The following KRT24 variants were observed in gnomAD, a reference collection of about 807,000 sequenced individuals.
KRT24 encodes keratin 24.
KRT24 carries 44 observed loss-of-function variants against 51.7 expected under a neutral mutation model. The observed-to-expected ratio is 0.85, with a 90% CI of 0.67 to 1.09. KRT24 has a LOEUF of 1.09. KRT24 is among the 50% of genes least tolerant of loss of function. The pLI, the probability that KRT24 is intolerant of heterozygous loss-of-function variation, is 0.00. For missense variants in KRT24, 633 were observed against 647.0 expected (o/e 0.98, Z 0.24); for synonymous variants, 241 against 249.5 (o/e 0.97, Z 0.32).
intron 6 of KRT24, among the ~76,000 whole-genome samples, chr17:40,698,967 C>A (rs2037641590): frequency 6.6e-6 from 1 of 151,876 alleles, no homozygotes; most frequent in South Asian, 2.1e-4. Flanking sequence ...GCCTCAGCCT[C>A]CTGAGCTCAA....
At position 40,703,326 on chromosome 17, in the gene KRT24, C is replaced by T. The variant is rs1393102566; in HGVS notation, c.368G>A (p.Gly123Asp). ...GCCAACACCACCTCCCATACCACCA[C>T]CATAGCTGTAGAAGCCTCCAGTAGC... ...SGATGGFYSY[G>D]GGMGGGVGDG... Residue 123 changes from glycine (G) to aspartate (D), a missense_variant, in exon 1 of 8, where the codon GGT (glycine) becomes GAT (aspartate). By Grantham distance (94) the Gly-to-Asp change is moderately conservative. Transcript: ENST00000264651. 2.0e-5 allele frequency: 33 copies of T among 1,614,018 alleles called. No homozygotes were observed. The highest frequency in any genetic ancestry group is 2.8e-5 in the Non-Finnish European group (33 of 1,180,026).
Position 40,698,579 on chromosome 17 carries a change from G to A in KRT24, c.1433C>T (p.Ser478Phe), listed in dbSNP as rs1326273431. The part of the protein sequence containing the change: ...SVNMGSRDLV[S>F]GDSRSGSCSG... The stretch of plus-strand genomic sequence containing the variant: ...ACAGCTTCCAGATCTTGAGTCACCA[G>A]ATACCAGATCCCTGGATCCCATGTT... Residue 478 changes from serine to phenylalanine, a missense_variant, in exon 7 of 8, where the codon TCT (serine) becomes TTT (phenylalanine). Transcript: ENST00000264651. The A allele has an allele frequency of 6.2e-7, 1 of 1,612,958 alleles. No homozygotes were observed. The highest frequency in any genetic ancestry group is 2.2e-5 in the East Asian group (1 of 44,886).
Position 40,703,402 on chromosome 17 carries a change from C to G in KRT24, c.292G>C (p.Gly98Arg), listed in dbSNP as rs2037706934. 14 of 1,611,036 alleles carry G rather than the reference C, an allele frequency of 8.7e-6. No homozygotes were observed. Among genetic ancestry groups the G allele is most frequent in the Non-Finnish European group, 1.2e-5 (14 of 1,177,470 alleles). The change falls in exon 1 of 8, where the codon GGA becomes CGA. Residue 98 changes from glycine (G) to arginine (R), a missense_variant. Gly to Arg is a moderately radical substitution (Grantham distance 125, BLOSUM62 -2). Coordinates refer to ENST00000264651, the MANE Select transcript of KRT24 (RefSeq NM_019016.3). ...CAGAATCCAGAACCCCTGCCAAATC[C>G]AGAGACCCCGCCAAAGCTAGAACCC... Reference protein sequence around the residue: ...GGGSSFGGVSGFGRGSGFCGS... With the variant: ...GGGSSFGGVSRFGRGSGFCGS...
In KRT24 at chr17:40,701,140, C is replaced by T; in HGVS notation, c.855G>A (p.Glu285=). Residue 285 remains glutamate, a splice_region_variant and synonymous_variant, in exon 3 of 8, where the codon GAG becomes GAA. Coordinates refer to ENST00000264651, the MANE Select transcript of KRT24 (RefSeq NM_019016.3). The part of the protein sequence containing the change: ...ELAYLRKNHE[E]EMKNMQGSSG... ...TCGTTTATGTAGAACATGTTCCTAC[C>T]TCCTCGTGGTTCTTCCTCAGGTAGG... 1 of 1,613,472 alleles carries T rather than the reference C, an allele frequency of 6.2e-7. No homozygotes were observed. The highest frequency in any genetic ancestry group is 8.5e-7 in the Non-Finnish European group (1 of 1,179,638).
intron 1 of KRT24, among the ~76,000 whole-genome samples, chr17:40,702,439 G>A (rs865810601): frequency 1.3e-5 from 2 of 152,170 alleles, no homozygotes; most frequent in Middle Eastern, 3.4e-3. Context: ...GGTATATTTA[G>A]GACTACATCT....
In KRT24 at chr17:40,700,044, C is replaced by T. The variant is rs140665011; in HGVS notation, c.1097G>A (p.Arg366His). The change falls in exon 5 of 8, where the codon CGT (arginine) becomes CAT (histidine). Residue 366 changes from arginine (R) to histidine (H), a missense_variant. Arg to His is a conservative substitution (Grantham distance 29). Transcript: ENST00000264651. ...CTCAATTTCCAGGGCTTGCAGGGTA[C>T]GTTTTAGTTCTGTTATCTCATTCTT... ...SAKNEITELKRTLQALEIELQ... is the reference protein window; with the variant it reads ...SAKNEITELKHTLQALEIELQ... 2.3e-4 allele frequency: 372 copies of T among 1,614,114 alleles called. No individual in the cohort carries two copies. The African/African-American group carries it at 4.4e-3, about 19-fold the overall frequency.
At position 40,701,189 on chromosome 17, in the gene KRT24, A is replaced by G. The variant is rs779688793; in HGVS notation, c.806T>C (p.Ile269Thr). 9 of 1,614,082 alleles carry G rather than the reference A, an allele frequency of 5.6e-6. No homozygotes were observed. The highest frequency in any genetic ancestry group is 2.2e-5 in the East Asian group (1 of 44,886). The change falls in exon 3 of 8, where the codon ATT (isoleucine) becomes ACT (threonine). Residue 269 changes from isoleucine (I) to threonine (T), a missense_variant. Coordinates refer to ENST00000264651, the MANE Select transcript of KRT24 (RefSeq NM_019016.3). ...TMTRSDLEMQIESFTEELAYL... is the reference protein window; with the variant it reads ...TMTRSDLEMQTESFTEELAYL... ...GGCTAGCTCCTCGGTGAAACTCTCA[A>G]TCTGCATCTCCAGGTCAGAGCGGGT...
chr17:40,699,347 C>A, intron 6 of KRT24, 97 bp downstream of exon 6: 1 of 915,242 alleles, frequency 1.1e-6, no homozygotes, highest in Non-Finnish European at 1.8e-6. Context: ...CTTTATTACT[C>A]TCTATATATA....
At chr17:40,701,387 T>C (rs935922658) in intron 2 of KRT24, 91 bp from the exon 3 acceptor site, 8 of 1,089,480 alleles carry the variant, frequency 7.3e-6, no homozygotes, top group Non-Finnish European at 1.0e-5. Flanking sequence ...TTGAAAAAGT[T>C]CTCACTTGTG....
chr17:40,700,346 A>G lies in KRT24; in HGVS notation c.893T>C (p.Val298Ala). 2 of 1,611,534 alleles carry G rather than the reference A, an allele frequency of 1.2e-6. No homozygotes were observed. The highest frequency in any genetic ancestry group is 8.5e-7 in the Non-Finnish European group (1 of 1,178,962). The change falls in exon 4 of 8, where the codon GTG becomes GCG. Residue 298 changes from valine (V) to alanine (A), a missense_variant. Transcript: ENST00000264651. ...TGGCGCAGCATTCATTTCTACGGTC[A>G]CCTCCCCTCCAGAGCTTCCTTGCAT... ...KNMQGSSGGE[V>A]TVEMNAAPGT...
Position 40,701,951 on chromosome 17 carries a change from A to C in KRT24, c.616-18T>G, listed in dbSNP as rs773514842. On this transcript the variant is annotated intron_variant, in intron 1 of 7. Coordinates refer to ENST00000264651, the MANE Select transcript of KRT24 (RefSeq NM_019016.3). The stretch of plus-strand genomic sequence containing the variant: ...GCAATGATCTAAAAAAGATGTTAAT[A>C]GTGAGTGAATCACGAATGATTTTTA... The C allele has an allele frequency of 1.4e-6, 2 of 1,390,760 alleles. No homozygotes were observed. The highest frequency in any genetic ancestry group is 2.0e-6 in the Non-Finnish European group (2 of 1,003,208). 86.2% of individuals were successfully genotyped at this position (1,390,760 alleles called of 1,614,324 possible). A position where few individuals can be genotyped will look rare whatever the true frequency, so the allele number is the denominator to read the frequency against.
chr17:40,701,804 T>G (rs765094072), intron 2 of KRT24, 47 bp downstream of exon 2: 2 of 507,218 alleles, frequency 3.9e-6, no homozygotes, highest in Non-Finnish European at 6.2e-6. Context: ...GGAATAAAAT[T>G]TATTTTTCTC....
rs35671506 is a variant in KRT24 at position 40,699,805 on chromosome 17, G to A, written c.1144-144C>T. ...ATCATTGCTTCTTTAATTTTGGTTG[G>A]CACTTCTTTTTAAACTAAATCTTTT... On this transcript the variant is annotated intron_variant, in intron 5 of 7. Transcript: ENST00000264651. 2,008 of 1,046,356 alleles carry A rather than the reference G, an allele frequency of 1.9e-3. 33 individuals are homozygous for A. In the African/African-American group the frequency reaches 0.028, roughly 15 times the overall value. 64.8% of individuals were successfully genotyped at this position (1,046,356 alleles called of 1,614,324 possible).
chr17:40,699,582 C>G lies in KRT24; in HGVS notation c.1223G>C (p.Ser408Thr). 1.2e-6 allele frequency: 2 copies of G among 1,614,202 alleles called. No individual in the cohort carries two copies. The highest frequency in any genetic ancestry group is 1.7e-6 in the Non-Finnish European group (2 of 1,180,020). ...AQLSEIQTQI[S>T]ALEEEICQIW... ...CTGGCAGATCTCCTCCTCCAGGGCA[C>G]TGATCTGCGTTTGAATTTCTGACAG... is the stretch of plus-strand genomic sequence containing the variant. Residue 408 changes from serine (S) to threonine (T), a missense_variant, in exon 6 of 8, where the codon AGT (serine) becomes ACT (threonine). Transcript: ENST00000264651.
rs1334284094 is a variant in KRT24, at chr17:40,703,296, C to A, written c.398G>T (p.Gly133Val). The A allele has an allele frequency of 2.5e-6, 4 of 1,613,924 alleles. No homozygotes were observed. The highest frequency in any genetic ancestry group is 2.5e-6 in the Non-Finnish European group (3 of 1,180,020). Residue 133 changes from glycine (G) to valine (V), a missense_variant, in exon 1 of 8, where the codon GGG becomes GTG. Transcript: ENST00000264651. ...GGGMGGGVGD[G>V]GLFSGGEKQT... is the part of the protein sequence containing the mutation. ...CTTTTCCCCTCCAGAGAAAAGCCCC[C>A]CATCGCCAACACCACCTCCCATACC...
In KRT24 at chr17:40,699,606, A is replaced by C. The variant is rs2037650486; in HGVS notation, c.1199T>G (p.Leu400Arg). 6.2e-7 allele frequency: 1 copy of C among 1,614,186 alleles called. No individual in the cohort carries two copies. Among genetic ancestry groups the C allele is most frequent in the Non-Finnish European group, 8.5e-7 (1 of 1,180,022 alleles). ...ACTGATCTGCGTTTGAATTTCTGAC[A>C]GCTGAGCCACGTAGCCAGCTTCTGT... ...ADTEAGYVAQ[L>R]SEIQTQISAL... is the part of the protein sequence containing the mutation. The change falls in exon 6 of 8, where the codon CTG (leucine) becomes CGG (arginine). Residue 400 changes from leucine (L) to arginine (R), a missense_variant. Coordinates refer to ENST00000264651, the MANE Select transcript of KRT24 (RefSeq NM_019016.3).
chr17:40,700,209 A>G lies in KRT24; in HGVS notation c.1017+13T>C. ...GTGGCTACTGGCTTAGGTGCTCAGCAGAGAGGATCTACCTGCTTGTTGAAC... is the reference window on the plus strand; with the variant it reads ...GTGGCTACTGGCTTAGGTGCTCAGCGGAGAGGATCTACCTGCTTGTTGAAC... On this transcript the variant is annotated intron_variant, in intron 4 of 7. Transcript: ENST00000264651. The G allele has an allele frequency of 6.2e-7, 1 of 1,614,038 alleles. No homozygotes were observed. Among genetic ancestry groups the G allele is most frequent in the African/African-American group, 1.3e-5 (1 of 75,034 alleles).
At position 40,700,373 on chromosome 17, in the gene KRT24, T is replaced by C; in HGVS notation, c.866A>G (p.Asn289Ser). 1 of 1,610,584 alleles carries C rather than the reference T, an allele frequency of 6.2e-7. No homozygotes were observed. Among genetic ancestry groups the C allele is most frequent in the Non-Finnish European group, 8.5e-7 (1 of 1,177,816 alleles). Reference sequence around the variant, plus strand: ...CTCCCCTCCAGAGCTTCCTTGCATATTCTTCATTTCCTAGCATGAAGGAAA... The same window carrying C: ...CTCCCCTCCAGAGCTTCCTTGCATACTCTTCATTTCCTAGCATGAAGGAAA... ...LRKNHEEEMKNMQGSSGGEVT... is the reference protein window; with the variant it reads ...LRKNHEEEMKSMQGSSGGEVT... The change falls in exon 4 of 8, where the codon AAT becomes AGT. Residue 289 changes from asparagine (N) to serine (S), a missense_variant. Coordinates refer to ENST00000264651, the MANE Select transcript of KRT24 (RefSeq NM_019016.3).
intron 3 of KRT24, among the ~76,000 whole-genome samples, chr17:40,700,904 T>C (rs2037668760): frequency 6.6e-6 from 1 of 152,042 alleles, no homozygotes; most frequent in Non-Finnish European, 1.5e-5. Context: ...CCAGGCCTAT[T>C]TTACTTTTTT....
Sources: allele counts gnomAD v4.1 joint callset (sites outside exome capture counted in the v4.1 genomes callset), GRCh38; gene constraint gnomAD v4.1.1; transcripts MANE v1.5; gene names NCBI Gene and HGNC (gene_info 2026-07-23, HGNC 2026-07-21).